PC: variants seen among roughly 807,000 people sequenced by gnomAD.
PC encodes the protein pyruvate carboxylase, also known as pyruvate carboxylase, mitochondrial.
PC carries 46 observed loss-of-function variants against 107.8 expected under a neutral mutation model. The observed-to-expected ratio is 0.43, with a 90% CI of 0.34 to 0.55. The LOEUF (loss-of-function observed/expected upper bound fraction) is 0.55. Ranked by LOEUF, PC falls within the 20% of genes least tolerant of loss-of-function variation. The pLI is 0.04. For missense variants in PC, 1,241 were observed against 1,643.1 expected, an observed-to-expected ratio of 0.76 and a Z score of 4.23; for synonymous variants, 662 against 684.7, an observed-to-expected ratio of 0.97 and a Z score of 0.52.
chr11:66,882,237 C>A (rs892071789), intron 3 of PC, among the ~76,000 whole-genome samples: 3 of 152,268 alleles, frequency 2.0e-5, no homozygotes, highest in African/African-American at 7.2e-5. Context: ...AAGTTTTGTT[C>A]CAGACAACAA....
At position 66,857,936 on chromosome 11, in the gene PC, G is replaced by A; in HGVS notation, c.1369-4553C>T. 6.2e-7 allele frequency: 1 copy of A among 1,612,354 alleles called. No homozygotes were observed. Among genetic ancestry groups the A allele is most frequent in the Non-Finnish European group, 8.5e-7 (1 of 1,179,916 alleles). ...CTGACAACTTCATCCAGGCCCTGGG[G>A]CCCCCTGACTTCCGCAACATGACGG... On this transcript the variant is annotated intron_variant, in intron 12 of 22. Coordinates refer to ENST00000393960, the MANE Select transcript of PC (RefSeq NM_001040716.2). The surrounding 1 kb of genome is among the most constrained non-coding windows in gnomAD (Gnocchi z 7.1).
At chr11:66,898,030 C>T (rs1444181396) in intron 3 of PC, among the ~76,000 whole-genome samples, 1 of 152,146 alleles carries the variant, frequency 6.6e-6, no homozygotes, top group East Asian at 1.9e-4. Flanking sequence ...CTCCAGGGCC[C>T]CTGTTTTTTC....
At chr11:66,954,593 GGGGCA>G (rs1210256835) in intron 1 of PC, among the ~76,000 whole-genome samples, 157 bp from the exon 2 acceptor site, 1 of 152,172 alleles carries the variant, frequency 6.6e-6, no homozygotes, top group African/African-American at 2.4e-5. Context: ...CATTCAGATG[GGGGCA>G]GGACGATATT....
intron 3 of PC, among the ~76,000 whole-genome samples, chr11:66,894,170 C>T (rs189315314): frequency 4.6e-5 from 7 of 152,198 alleles, no homozygotes; most frequent in African/African-American, 1.7e-4. Context: ...TCTCTGACTC[C>T]CCACTGTCTG....
At chr11:66,929,933 A>G (rs928300449) in intron 3 of PC, among the ~76,000 whole-genome samples, 3 of 152,178 alleles carry the variant, frequency 2.0e-5, no homozygotes, top group Admixed American at 6.5e-5. Flanking sequence ...TTTTATCTAG[A>G]TGGCATTTGC....
At chr11:66,850,553 G>A (rs1195578907) in intron 18 of PC, 89 bp from the exon 19 acceptor site, 2 of 1,606,950 alleles carry the variant, frequency 1.2e-6, no homozygotes, top group East Asian at 2.2e-5. Flanking sequence ...TCTGACTCAG[G>A]TGACAGAAGG....
chr11:66,957,749 G>C (rs1949600988), intron 1 of PC: 1 of 152,290 alleles, frequency 6.6e-6, no homozygotes. Flanking sequence ...CCTCCTGAAT[G>C]AGCGGCCTTG....
At chr11:66,864,679 C>T (rs941847553) in intron 11 of PC, among the ~76,000 whole-genome samples, 1 of 152,150 alleles carries the variant, frequency 6.6e-6, no homozygotes, top group African/African-American at 2.4e-5. Flanking sequence ...GAGAGGGCAG[C>T]GGGGCAGCGG....
intron 3 of PC, among the ~76,000 whole-genome samples, chr11:66,935,790 G>T (rs1948985220): frequency 6.6e-6 from 1 of 152,122 alleles, no homozygotes; most frequent in Non-Finnish European, 1.5e-5. Context: ...GGGAAAACTG[G>T]TTGATAAAAT....
chr11:66,921,919 G>A (rs1176281035), intron 3 of PC, among the ~76,000 whole-genome samples: 1 of 152,178 alleles, frequency 6.6e-6, no homozygotes, highest in African/African-American at 2.4e-5. Context: ...CTGTCCCTGA[G>A]ATCTGACTGT....
intron 2 of PC, among the ~76,000 whole-genome samples, chr11:66,953,101 C>T (rs999544675): frequency 6.6e-6 from 1 of 152,248 alleles, no homozygotes; most frequent in African/African-American, 2.4e-5. Flanking sequence ...GGGACGTTAA[C>T]CGACAGGCTA....
chr11:66,886,278 C>T lies in PC; in HGVS notation c.1-14119G>A, dbSNP rs112450530. ...GAGCAAAGGCAGATAAGGCAGGAAG[C>T]AAACAGCCTGGCGTGGCCCGCTGAG... is the stretch of plus-strand genomic sequence containing the variant. On this transcript the variant is annotated intron_variant, in intron 3 of 22. Coordinates refer to ENST00000393960, the MANE Select transcript of PC (RefSeq NM_001040716.2). 9.9e-3 allele frequency among the ~76,000 whole-genome samples: 1,506 copies of T among 152,194 alleles called. 27 individuals are homozygous for T. Among genetic ancestry groups the T allele is most frequent in the African/African-American group, 0.033 (1,382 of 41,522 alleles).
intron 9 of PC, 104 bp from the exon 10 acceptor site, chr11:66,869,068 A>C: frequency 1.2e-6 from 1 of 864,392 alleles, no homozygotes; most frequent in Non-Finnish European, 1.9e-6. Flanking sequence ...TTGGTTCCGT[A>C]AAAGAATGGC....
intron 3 of PC, among the ~76,000 whole-genome samples, chr11:66,879,302 G>A (rs774742596): frequency 3.5e-4 from 53 of 152,250 alleles, no homozygotes; most frequent in Non-Finnish European, 4.1e-4. Flanking sequence ...GCCAGCAGGT[G>A]TGATGCCCAC....
intron 3 of PC, among the ~76,000 whole-genome samples, chr11:66,938,251 A>G (rs1190803844): frequency 6.6e-6 from 1 of 152,100 alleles, no homozygotes; most frequent in Non-Finnish European, 1.5e-5. Context: ...TCCTGAATAA[A>G]TGTGTCTTAG....
Position 66,857,694 on chromosome 11 carries a change from G to T in PC, c.1369-4311C>A, listed in dbSNP as rs756810881. ...GTCCTGGGCCCAAGTGGGCACCTGC[G>T]CCAGCCCCACCTGTGCCTGGGCTGT... On this transcript the variant is annotated intron_variant, in intron 12 of 22. Coordinates refer to ENST00000393960, the MANE Select transcript of PC (RefSeq NM_001040716.2). The surrounding 1 kb of genome is among the most constrained non-coding windows in gnomAD (Gnocchi z 7.1). 1.3e-6 allele frequency: 2 copies of T among 1,535,242 alleles called. No individual in the cohort carries two copies. Among genetic ancestry groups the T allele is most frequent in the East Asian group, 2.3e-5 (1 of 43,588 alleles).
chr11:66,940,646 C>A (rs1949107985), intron 3 of PC, among the ~76,000 whole-genome samples: 1 of 151,774 alleles, frequency 6.6e-6, no homozygotes, highest in African/African-American at 2.4e-5. Flanking sequence ...CAAGACTGTG[C>A]CACTGTACTC....
chr11:66,850,915 G>A lies in PC; in HGVS notation c.2232C>T (p.Ala744=), dbSNP rs763631086. 76 of 1,608,864 alleles carry A rather than the reference G, an allele frequency of 4.7e-5. 1 individual carries two copies. The Middle Eastern group carries it at 1.6e-3, about 35-fold the overall frequency. ...GTHILCIKDM[A]GLLKPTACTM... ...TGCAGGCCGTGGGCTTCAGCAGCCC[G>A]GCCATGTCCTGGGGGAAGTGGGAGA... The change falls in exon 18 of 23, where the codon GCC becomes GCT. Residue 744 remains alanine, a synonymous_variant. Transcript: ENST00000393960.
Position 66,871,284 on chromosome 11 carries a change from G to T in PC, c.487+31C>A, listed in dbSNP as rs773680795. Reference sequence around the variant, plus strand: ...TGCTGGACCCTCTCCAGGAGCTGCGGGGCCACCCCTTGCTTGCCCGTTATA... The same window carrying T: ...TGCTGGACCCTCTCCAGGAGCTGCGTGGCCACCCCTTGCTTGCCCGTTATA... On this transcript the variant is annotated intron_variant, in intron 6 of 22. Transcript: ENST00000393960. This position sits in a 1 kb window ranked among gnomAD's most constrained non-coding sequence, Gnocchi z 7.4. 3 of 1,613,974 alleles carry T rather than the reference G, an allele frequency of 1.9e-6. No homozygotes were observed. The African/African-American group carries it at 4.0e-5, about 22-fold the overall frequency.
Sources: gnomAD v4.1 joint callset for allele counts (sites outside exome capture counted in the v4.1 genomes callset) on GRCh38, gnomAD v4.1.1 for gene constraint, Gnocchi (gnomAD v3.1) non-coding constraint, MANE v1.5 for transcripts, NCBI Gene and HGNC (gene_info 2026-07-23, HGNC 2026-07-21) for gene names.